Variants in STUM observed in about 807,000 individuals in gnomAD.
STUM encodes stum, mechanosensory transduction mediator homolog.
Under a neutral mutation model 15.3 loss-of-function variants are expected in STUM, and 8 were observed. The observed-to-expected ratio is 0.52, with a 90% CI of 0.31 to 0.94. The LOEUF (loss-of-function observed/expected upper bound fraction) is 0.94, where lower values mean the gene tolerates loss of function less well. Ranked by LOEUF, STUM falls within the 40% of genes least tolerant of loss-of-function variation. The pLI, the probability that STUM is intolerant of heterozygous loss-of-function variation, is 0.05. For missense variants in STUM, 142 were observed against 204.9 expected (o/e 0.69, Z 1.87); for synonymous variants, 78 against 88.7 (o/e 0.88, Z 0.68).
intron 1 of STUM, among the ~76,000 whole-genome samples, chr1:226,550,708 A>T (rs1211719466): frequency 6.6e-6 from 1 of 151,900 alleles, no homozygotes; most frequent in Non-Finnish European, 1.5e-5. Context: ...GCACGAGGAA[A>T]CCACCTTGTG....
At chr1:226,550,260 G>A (rs1190523294) in intron 1 of STUM, among the ~76,000 whole-genome samples, 1 of 152,222 alleles carries the variant, frequency 6.6e-6, no homozygotes, top group African/African-American at 2.4e-5. Context: ...GACAGCCAAG[G>A]CCACAGCCAC....
rs142134098 is a variant in STUM, at chr1:226,562,685, G to A, written c.202+13579G>A. 5.3e-3 allele frequency among the ~76,000 whole-genome samples: 811 copies of A among 152,154 alleles called. 3 individuals carry two copies. The highest frequency in any genetic ancestry group is 9.4e-3 in the Non-Finnish European group (638 of 67,998). On this transcript the variant is annotated intron_variant, in intron 1 of 3. Transcript: ENST00000366788. ...CCCAAATTGAGGGGTGTTCTACAAG[G>A]TACCTGGCCTGTATTCTTCAAAAGC... is the stretch of plus-strand genomic sequence containing the variant.
chr1:226,598,047 A>T (rs1046384224), intron 2 of STUM, among the ~76,000 whole-genome samples: 1 of 152,154 alleles, frequency 6.6e-6, no homozygotes, highest in African/African-American at 2.4e-5. Context: ...TGTCAGAGGA[A>T]TATTGTGAGG....
intron 1 of STUM, among the ~76,000 whole-genome samples, chr1:226,585,328 C>T (rs949640368): frequency 5.9e-5 from 9 of 152,228 alleles, no homozygotes; most frequent in Non-Finnish European, 1.2e-4. Flanking sequence ...GGACAGTCCC[C>T]ATCATCCTCC....
chr1:226,554,417 G>C (rs1461506127), intron 1 of STUM, among the ~76,000 whole-genome samples: 1 of 152,208 alleles, frequency 6.6e-6, no homozygotes, highest in Middle Eastern at 3.2e-3. Flanking sequence ...AAGAGATGCT[G>C]TCTGTAGTTA....
At chr1:226,575,426 C>T (rs1235447081) in intron 1 of STUM, among the ~76,000 whole-genome samples, 1 of 152,380 alleles carries the variant, frequency 6.6e-6, no homozygotes, top group Middle Eastern at 3.4e-3. Context: ...AGCAGGCTGC[C>T]CTCCAATCCC....
intron 1 of STUM, among the ~76,000 whole-genome samples, chr1:226,585,705 G>A (rs764813170): frequency 2.0e-5 from 3 of 152,162 alleles, no homozygotes; most frequent in African/African-American, 7.2e-5. Context: ...TCACCGCCCC[G>A]TGGGATTCTT....
At chr1:226,551,853 C>T (rs938726352) in intron 1 of STUM, among the ~76,000 whole-genome samples, 2 of 152,124 alleles carry the variant, frequency 1.3e-5, no homozygotes, top group African/African-American at 4.8e-5. Flanking sequence ...GAAGGGGGCT[C>T]AGAGAAAGCC....
At chr1:226,577,523 A>C (rs1571803925) in intron 1 of STUM, among the ~76,000 whole-genome samples, 1 of 149,750 alleles carries the variant, frequency 6.7e-6, no homozygotes, top group African/African-American at 2.5e-5. Context: ...ACACACACTC[A>C]CACACTCAGG....
At position 226,549,002 on chromosome 1, in the gene STUM, T is replaced by C; in HGVS notation, c.98T>C (p.Val33Ala). ...RGASSSSGVV[V>A]QVREKKGPLR... Reference sequence around the variant, plus strand: ...GCGTCCTCGTCCAGCGGGGTGGTGGTGCAGGTCCGCGAGAAGAAGGGCCCC... The same window carrying C: ...GCGTCCTCGTCCAGCGGGGTGGTGGCGCAGGTCCGCGAGAAGAAGGGCCCC... The change falls in exon 1 of 4, where the codon GTG becomes GCG. Residue 33 changes from valine to alanine, a missense_variant. Coordinates refer to ENST00000366788, the MANE Select transcript of STUM (RefSeq NM_001003665.4). This position sits in a 1 kb window ranked among gnomAD's most constrained non-coding sequence, Gnocchi z 6.8. The C allele has an allele frequency of 1.3e-6, 2 of 1,566,740 alleles. No individual in the cohort carries two copies. The highest frequency in any genetic ancestry group is 1.7e-6 in the Non-Finnish European group (2 of 1,160,132).
chr1:226,575,170 A>G (rs1667789034), intron 1 of STUM, among the ~76,000 whole-genome samples: 1 of 152,214 alleles, frequency 6.6e-6, no homozygotes, highest in African/African-American at 2.4e-5. Context: ...GTCGGGTACC[A>G]GGAGCAGTCG....
chr1:226,571,977 G>A (rs952924549), intron 1 of STUM, among the ~76,000 whole-genome samples: 4 of 152,118 alleles, frequency 2.6e-5, no homozygotes, highest in African/African-American at 9.7e-5. Context: ...TCGCACTTCT[G>A]AGTGCCTGGA....
intron 1 of STUM, among the ~76,000 whole-genome samples, chr1:226,575,440 C>T (rs996714429): frequency 4.6e-5 from 7 of 152,218 alleles, no homozygotes; most frequent in Non-Finnish European, 2.9e-5. Flanking sequence ...CAATCCCTGC[C>T]GGCAGGCACC....
chr1:226,597,015 T>G, intron 2 of STUM, 34 bp downstream of exon 2: 1 of 1,604,804 alleles, frequency 6.2e-7, no homozygotes, highest in South Asian at 1.1e-5. Context: ...CTCCTGGGGG[T>G]GGGGAGTGGC....
intron 1 of STUM, among the ~76,000 whole-genome samples, chr1:226,590,115 C>T (rs1418989187): frequency 6.6e-6 from 1 of 151,978 alleles, no homozygotes; most frequent in East Asian, 1.9e-4. Context: ...CTCATTTTAC[C>T]GAGAACCTTC....
Position 226,600,633 on chromosome 1 carries a change from C to A in STUM, c.383-33C>A. 2 of 1,610,450 alleles carry A rather than the reference C, an allele frequency of 1.2e-6. No homozygotes were observed. Among genetic ancestry groups the A allele is most frequent in the South Asian group, 1.1e-5 (1 of 91,088 alleles). ...TTTCTCTTCTTCTCTCTCTCCTCTT[C>A]CTCCTGCTGCCTCCCACTCTGTGCT... On this transcript the variant is annotated intron_variant, in intron 2 of 3. Transcript: ENST00000366788. The surrounding 1 kb of genome is among the most constrained non-coding windows in gnomAD (Gnocchi z 5.2).
At chr1:226,574,978 C>A (rs1255938721) in intron 1 of STUM, among the ~76,000 whole-genome samples, 1 of 152,178 alleles carries the variant, frequency 6.6e-6, no homozygotes, top group Non-Finnish European at 1.5e-5. Flanking sequence ...GGGCTGGGGT[C>A]ATATGTCTGG....
At chr1:226,560,676 G>C (rs1196272420) in intron 1 of STUM, among the ~76,000 whole-genome samples, 1 of 152,152 alleles carries the variant, frequency 6.6e-6, no homozygotes, top group African/African-American at 2.4e-5. Context: ...GTCACTCTTA[G>C]GCCAAGCTGC....
intron 1 of STUM, among the ~76,000 whole-genome samples, chr1:226,594,827 G>T (rs1303552824): frequency 1.3e-5 from 2 of 152,102 alleles, no homozygotes; most frequent in African/African-American, 4.8e-5. Flanking sequence ...GCTAATTTTT[G>T]TATTTTTTAG....
Sources: allele counts gnomAD v4.1 joint callset (sites outside exome capture counted in the v4.1 genomes callset), GRCh38; gene constraint gnomAD v4.1.1; non-coding constraint Gnocchi (gnomAD v3.1); transcripts MANE v1.5; gene names NCBI Gene and HGNC (gene_info 2026-07-23, HGNC 2026-07-21).